The following PCNX2 variants were observed in gnomAD, a reference collection of about 807,000 sequenced individuals.
PCNX2 encodes pecanex 2.
A neutral mutation model predicts 223.8 loss-of-function variants in PCNX2; 168 were observed. The observed-to-expected ratio is 0.75, with a 90% CI of 0.66 to 0.85. The LOEUF is 0.85. Among genes scored for constraint, PCNX2 ranks in the 40% least tolerant of loss-of-function variants. PCNX2 has a pLI of 0.00. For synonymous variants in PCNX2, 1,006 were observed against 1,052.6 expected, an observed-to-expected ratio of 0.96 and a Z score of 0.86; for missense variants, 2,507 against 2,675.5, an observed-to-expected ratio of 0.94 and a Z score of 1.39.
Position 233,217,630 on chromosome 1 carries a change from T to C in PCNX2, c.2691+269A>G, listed in dbSNP as rs150041853. ...TTCCCCCAAGACTGCTCGATCTTTG[T>C]TGACTTGAATCCAGTGGGATAGGAA... On this transcript the variant is annotated intron_variant, in intron 12 of 33. Coordinates refer to ENST00000258229, the MANE Select transcript of PCNX2 (RefSeq NM_014801.4). Among the ~76,000 whole-genome samples, 1,126 of 152,064 alleles carry C rather than the reference T, an allele frequency of 7.4e-3. 8 individuals carry two copies. The highest frequency in any genetic ancestry group is 0.035 in the South Asian group (167 of 4,808).
At chr1:233,212,227 C>A (rs1681862296) in intron 12 of PCNX2, among the ~76,000 whole-genome samples, 1 of 151,956 alleles carries the variant, frequency 6.6e-6, no homozygotes, top group African/African-American at 2.4e-5. Context: ...CCCACTGTGA[C>A]CCTACACAGC....
chr1:233,259,769 A>G, intron 4 of PCNX2: 1 of 722,092 alleles, frequency 1.4e-6, no homozygotes, highest in South Asian at 6.3e-5. Context: ...AGCTTCATCC[A>G]TGACCCTGCA....
intron 17 of PCNX2, among the ~76,000 whole-genome samples, chr1:233,166,200 TA>T (rs1465229063): frequency 1.5e-5 from 2 of 131,836 alleles, no homozygotes; most frequent in Admixed American, 8.6e-5. Context: ...AATAAATAAA[TA>T]AATTAAATTA....
chr1:233,176,117 C>A (rs983913756), intron 17 of PCNX2, among the ~76,000 whole-genome samples: 1 of 152,044 alleles, frequency 6.6e-6, no homozygotes, highest in Non-Finnish European at 1.5e-5. Context: ...CTAAGAAAAC[C>A]AGGAAAAGTG....
At chr1:233,196,806 A>G (rs1680763136) in intron 15 of PCNX2, among the ~76,000 whole-genome samples, 1 of 152,196 alleles carries the variant, frequency 6.6e-6, no homozygotes, top group South Asian at 2.1e-4. Flanking sequence ...AATTTCTTAT[A>G]AAGTTAAATA....
intron 2 of PCNX2, 98 bp from the exon 3 acceptor site, chr1:233,262,263 C>A: frequency 2.8e-6 from 4 of 1,442,594 alleles, no homozygotes; most frequent in Non-Finnish European, 2.8e-6. Flanking sequence ...TCCTAGAGTC[C>A]ATTTTGTTAT....
chr1:233,019,757 G>C (rs1355036686), intron 26 of PCNX2, among the ~76,000 whole-genome samples: 1 of 152,126 alleles, frequency 6.6e-6, no homozygotes, highest in Non-Finnish European at 1.5e-5. Flanking sequence ...CGTTGTGTCT[G>C]TGGTGGTCAC....
At chr1:233,300,921 C>T in the PCNX2 span, among the ~76,000 whole-genome samples, 1 of 152,230 alleles carries the variant, frequency 6.6e-6, no homozygotes, top group Non-Finnish European at 1.5e-5. Flanking sequence ...CATGGGCCCC[C>T]ATGAACAGCT....
chr1:233,060,824 C>T (rs1672379201), intron 23 of PCNX2, among the ~76,000 whole-genome samples: 1 of 152,158 alleles, frequency 6.6e-6, no homozygotes, highest in African/African-American at 2.4e-5. Flanking sequence ...TAATGCTGTC[C>T]TGAGCACTAC....
intron 23 of PCNX2, among the ~76,000 whole-genome samples, chr1:233,075,696 A>AACACACACAC (rs369431993): frequency 0.019 from 2,576 of 137,282 alleles, 71 homozygotes; most frequent in African/African-American, 0.063. Context: ...GTTAGCTTAA[A>AACACACACAC]ACACACACAC....
intron 4 of PCNX2, among the ~76,000 whole-genome samples, chr1:233,260,890 G>A (rs1660006665): frequency 6.6e-6 from 1 of 151,874 alleles, no homozygotes; most frequent in African/African-American, 2.4e-5. Context: ...TCTGTAACTT[G>A]AAAGAAAGGC....
intron 1 of PCNX2, among the ~76,000 whole-genome samples, chr1:233,263,865 CT>C (rs1221653586): frequency 6.6e-6 from 1 of 152,098 alleles, no homozygotes; most frequent in African/African-American, 2.4e-5. Context: ...CACAAAAAGC[CT>C]TGTGGAGAAC....
the PCNX2 span, among the ~76,000 whole-genome samples, chr1:233,320,835 C>A: frequency 6.6e-6 from 1 of 152,052 alleles, no homozygotes; most frequent in African/African-American, 2.4e-5. Context: ...CACTACCAAT[C>A]TTATCAGGAA....
intron 23 of PCNX2, among the ~76,000 whole-genome samples, chr1:233,060,832 T>A (rs77208086): frequency 0.023 from 3,504 of 152,224 alleles, 82 homozygotes; most frequent in East Asian, 0.11. Flanking sequence ...TCCTGAGCAC[T>A]ACAGAACAAG....
chr1:233,189,030 G>T (rs1028352663), intron 15 of PCNX2, among the ~76,000 whole-genome samples: 1 of 152,136 alleles, frequency 6.6e-6, no homozygotes, highest in Admixed American at 6.5e-5. Context: ...GGCCATCTTA[G>T]AATTCAGCCT....
chr1:233,291,384 C>T (rs1358691364), intron 1 of PCNX2, among the ~76,000 whole-genome samples: 4 of 152,008 alleles, frequency 2.6e-5, no homozygotes. Flanking sequence ...CCAAGGCGGG[C>T]GGATCACCTG....
chr1:233,237,519 G>C (rs1324532887), intron 8 of PCNX2, among the ~76,000 whole-genome samples: 1 of 152,156 alleles, frequency 6.6e-6, no homozygotes, highest in Non-Finnish European at 1.5e-5. Flanking sequence ...ATCTAAAATA[G>C]TTTTATCTTT....
At chr1:233,127,948 G>A (rs1408242608) in intron 21 of PCNX2, among the ~76,000 whole-genome samples, 2 of 140,570 alleles carry the variant, frequency 1.4e-5, no homozygotes, top group African/African-American at 2.5e-5. Context: ...TTCTGTATAA[G>A]TATGTATTTT....
Position 233,054,449 on chromosome 1 carries a change from A to T in PCNX2, c.4170T>A (p.Tyr1390Ter). 2 of 1,613,782 alleles carry T rather than the reference A, an allele frequency of 1.2e-6. No individual in the cohort carries two copies. Among genetic ancestry groups the T allele is most frequent in the Non-Finnish European group, 1.7e-6 (2 of 1,179,744 alleles). The change falls in exon 25 of 34, where the codon TAT (tyrosine) becomes TAA (stop). Residue 1390 changes from tyrosine to a stop codon, truncating the protein, a stop_gained. Transcript: ENST00000258229. LOFTEE classifies it high-confidence loss of function. The part of the protein sequence containing the change: ...NDDNNLNSIF[Y>*]EHLTRTLQES... Reference sequence around the variant, plus strand: ...CCTGGAGGGTCCTTGTCAAGTGTTCATAAAAAATGGAATTGAGATTGTTGT... The same window carrying T: ...CCTGGAGGGTCCTTGTCAAGTGTTCTTAAAAAATGGAATTGAGATTGTTGT...
Sources: allele counts gnomAD v4.1 joint callset (sites outside exome capture counted in the v4.1 genomes callset), GRCh38; gene constraint gnomAD v4.1.1; transcripts MANE v1.5; gene names NCBI Gene and HGNC (gene_info 2026-07-23, HGNC 2026-07-21).